Variants in PIP5K1B observed in about 807,000 individuals in gnomAD.
The protein encoded by PIP5K1B is phosphatidylinositol 4-phosphate 5-kinase type-1 beta.
A neutral mutation model predicts 67.0 loss-of-function variants in PIP5K1B; 42 were observed. The observed-to-expected ratio is 0.63, with a 90% CI of 0.49 to 0.81. PIP5K1B has a LOEUF of 0.81. PIP5K1B is among the 30% of genes least tolerant of loss of function. The pLI, the probability that PIP5K1B is intolerant of heterozygous loss-of-function variation, is 0.00. For synonymous variants in PIP5K1B, 214 were observed against 231.4 expected (o/e 0.92, Z 0.68); for missense variants, 459 against 646.3 (o/e 0.71, Z 3.14).
intron 14 of PIP5K1B, among the ~76,000 whole-genome samples, chr9:68,952,120 G>A (rs766874528): frequency 7.0e-4 from 107 of 152,144 alleles, no homozygotes; most frequent in Middle Eastern, 6.8e-3. Context: ...TGTGAATAGT[G>A]TCATATACTA....
chr9:68,987,111 G>C (rs947806437), intron 14 of PIP5K1B, among the ~76,000 whole-genome samples: 1 of 151,980 alleles, frequency 6.6e-6, no homozygotes, highest in African/African-American at 2.4e-5. Context: ...AATTAGCTGG[G>C]TGGGGTGGCA....
intron 14 of PIP5K1B, among the ~76,000 whole-genome samples, chr9:68,990,230 G>A (rs537747256): frequency 1.2e-4 from 19 of 152,288 alleles, no homozygotes; most frequent in South Asian, 1.0e-3. Context: ...AACCAGCAGC[G>A]TTAGCATCAC....
chr9:68,754,005 G>A (rs929365724), intron 2 of PIP5K1B, among the ~76,000 whole-genome samples: 1 of 151,904 alleles, frequency 6.6e-6, no homozygotes, highest in Non-Finnish European at 1.5e-5. Context: ...GAACATTAGA[G>A]TAATTTTGTC....
chr9:68,749,824 A>C (rs1273885790), intron 2 of PIP5K1B, among the ~76,000 whole-genome samples: 2 of 152,150 alleles, frequency 1.3e-5, no homozygotes, highest in Non-Finnish European at 2.9e-5. Context: ...TAGTTACAAC[A>C]ACCACAAATG....
intron 2 of PIP5K1B, chr9:68,780,644 C>T: frequency 1.2e-6 from 2 of 1,614,198 alleles, no homozygotes; most frequent in Non-Finnish European, 8.5e-7. Flanking sequence ...TTTCGCCATC[C>T]TTGCAAAGTT....
At chr9:68,860,842 A>T (rs1197213287) in intron 4 of PIP5K1B, among the ~76,000 whole-genome samples, 1 of 152,238 alleles carries the variant, frequency 6.6e-6, no homozygotes, top group Non-Finnish European at 1.5e-5. Context: ...CAGCCTCCCT[A>T]GAGGTGAGTC....
intron 14 of PIP5K1B, among the ~76,000 whole-genome samples, chr9:68,979,126 G>A (rs1829771797): frequency 6.6e-6 from 1 of 152,140 alleles, no homozygotes; most frequent in Non-Finnish European, 1.5e-5. Flanking sequence ...CATGGTTGCT[G>A]GGGATAACTT....
chr9:68,858,309 C>G (rs1822887438), intron 4 of PIP5K1B, among the ~76,000 whole-genome samples: 1 of 152,126 alleles, frequency 6.6e-6, no homozygotes, highest in Non-Finnish European at 1.5e-5. Flanking sequence ...TGAACCATTT[C>G]TTTATGGCCT....
intron 1 of PIP5K1B, among the ~76,000 whole-genome samples, chr9:68,722,098 C>G (rs1376476925): frequency 6.6e-6 from 1 of 152,182 alleles, no homozygotes; most frequent in African/African-American, 2.4e-5. Context: ...GCTTCTGTTT[C>G]ATTTGTTCTC....
intron 8 of PIP5K1B, among the ~76,000 whole-genome samples, chr9:68,910,780 A>AC (rs1175162425): frequency 6.6e-6 from 1 of 152,182 alleles, no homozygotes; most frequent in Non-Finnish European, 1.5e-5. Context: ...CTTTGAAAAA[A>AC]CAGTAGGATT....
chr9:68,934,156 T>G (rs1827140309), intron 12 of PIP5K1B, among the ~76,000 whole-genome samples: 1 of 152,232 alleles, frequency 6.6e-6, no homozygotes, highest in Admixed American at 6.5e-5. Flanking sequence ...TGCTGCCGCT[T>G]AAGCAGCTTC....
chr9:68,821,195 G>A (rs62569349), intron 3 of PIP5K1B, among the ~76,000 whole-genome samples: 14,349 of 152,228 alleles, frequency 0.094, 853 homozygotes, highest in Non-Finnish European at 0.14. Context: ...GGTCGAGGCT[G>A]CAGTGAGCTG....
chr9:68,858,912 T>C (rs1564188835), intron 4 of PIP5K1B, among the ~76,000 whole-genome samples: 1 of 152,272 alleles, frequency 6.6e-6, no homozygotes, highest in Non-Finnish European at 1.5e-5. Context: ...GATCATTGCT[T>C]TTCTAAGAGA....
At chr9:68,792,511 G>T (rs889276979) in intron 2 of PIP5K1B, among the ~76,000 whole-genome samples, 3 of 151,866 alleles carry the variant, frequency 2.0e-5, no homozygotes, top group East Asian at 3.9e-4. Flanking sequence ...ACAGAGTCTC[G>T]CTCTGTCGCC....
intron 2 of PIP5K1B, among the ~76,000 whole-genome samples, chr9:68,792,542 C>T (rs1168824160): frequency 1.3e-5 from 2 of 152,030 alleles, no homozygotes; most frequent in Admixed American, 6.6e-5. Context: ...TGCAGTGGCG[C>T]GATCTCGGTT....
At chr9:68,954,470 A>G (rs1391406524) in intron 14 of PIP5K1B, among the ~76,000 whole-genome samples, 1 of 152,254 alleles carries the variant, frequency 6.6e-6, no homozygotes, top group Non-Finnish European at 1.5e-5. Context: ...GCTAAGACCT[A>G]CAATTCCTGA....
chr9:68,977,534 G>A (rs923485938), intron 14 of PIP5K1B, among the ~76,000 whole-genome samples: 4 of 152,184 alleles, frequency 2.6e-5, no homozygotes, highest in Non-Finnish European at 5.9e-5. Flanking sequence ...AAAAAAGAAA[G>A]AGAAATTACT....
intron 14 of PIP5K1B, among the ~76,000 whole-genome samples, chr9:68,968,547 ATTAG>A (rs1199011993): frequency 9.9e-5 from 15 of 152,030 alleles, no homozygotes; most frequent in Admixed American, 9.8e-4. Context: ...CTTAATAAAA[ATTAG>A]TTGTATTTTC....
chr9:68,880,459 G>T (rs1345358653), intron 6 of PIP5K1B, among the ~76,000 whole-genome samples: 1 of 152,034 alleles, frequency 6.6e-6, no homozygotes, highest in Non-Finnish European at 1.5e-5. Context: ...GTAGGCTGAG[G>T]CAGGAGAATC....
Sources: gnomAD v4.1 joint callset for allele counts (sites outside exome capture counted in the v4.1 genomes callset) on GRCh38, gnomAD v4.1.1 for gene constraint, MANE v1.5 for transcripts, NCBI Gene and HGNC (gene_info 2026-07-23, HGNC 2026-07-21) for gene names.